The following ADRA1A variants were observed in gnomAD, a reference collection of about 807,000 sequenced individuals.
The protein encoded by ADRA1A is alpha-1A adrenergic receptor.
ADRA1A carries 31 observed loss-of-function variants against 29.6 expected under a neutral mutation model. The observed-to-expected ratio is 1.05, with a 90% CI of 0.79 to 1.41. The LOEUF (loss-of-function observed/expected upper bound fraction) is 1.41, where lower values mean the gene tolerates loss of function less well. Ranked by LOEUF, ADRA1A falls within the 40% of genes most tolerant of loss-of-function variation. The probability of loss-of-function intolerance (pLI) is 0.00; values close to 1 mark genes in which losing one functional copy is unlikely to be tolerated. For synonymous variants in ADRA1A, 311 were observed against 254.3 expected (o/e 1.22, Z -2.12); for missense variants, 619 against 601.1 (o/e 1.03, Z -0.31).
intron 2 of ADRA1A, among the ~76,000 whole-genome samples, chr8:26,758,140 T>A (rs1245644827): frequency 1.3e-5 from 2 of 152,076 alleles, no homozygotes; most frequent in Non-Finnish European, 2.9e-5. Context: ...AATAGTGTGG[T>A]GTGGGGAATA....
Position 26,866,382 on chromosome 8 carries a change from G to A in ADRA1A, c.-687+554C>T, listed in dbSNP as rs1217087226. Among the ~76,000 whole-genome samples the A allele has an allele frequency of 5.3e-5, 8 of 152,170 alleles. No individual in the cohort carries two copies. Among genetic ancestry groups the A allele is most frequent in the Admixed American group, 5.2e-4 (8 of 15,288 alleles). On this transcript the variant is annotated intron_variant, in intron 1 of 2. Coordinates refer to ENST00000380573, the MANE Select transcript of ADRA1A (RefSeq NM_000680.4). This position sits in a 1 kb window ranked among gnomAD's most constrained non-coding sequence, Gnocchi z 5.7. ...AGCGGGACTGGCGGGGGACGGGGTG[G>A]GGAGGACGTCCCTCTGCAGAGGGAG...
In ADRA1A at chr8:26,864,464, G is replaced by A. The variant is rs772136338; in HGVS notation, c.506C>T (p.Ala169Val). The part of the protein sequence containing the change: ...IGPLFGWRQP[A>V]PEDETICQIN... ...CTGGCAGATGGTCTCGTCCTCGGGG[G>A]CCGGCTGCCTCCAGCCGAACAGGGG... is the stretch of plus-strand genomic sequence containing the variant. The change falls in exon 2 of 3, where the codon GCC becomes GTC. Residue 169 changes from alanine to valine, a missense_variant. Coordinates refer to ENST00000380573, the MANE Select transcript of ADRA1A (RefSeq NM_000680.4). This position sits in a 1 kb window ranked among gnomAD's most constrained non-coding sequence, Gnocchi z 8.1. 1.2e-6 allele frequency: 2 copies of A among 1,613,448 alleles called. No homozygotes were observed. Among genetic ancestry groups the A allele is most frequent in the East Asian group, 2.2e-5 (1 of 44,856 alleles).
rs1256752761 is a variant in ADRA1A at position 26,768,836 on chromosome 8, A to G, written c.*1313T>C. Reference sequence around the variant, plus strand: ...TACTGAGTTATTATGGTTTACCAAAATTTGGTATACATAAAGCAAAATATA... The same window carrying G: ...TACTGAGTTATTATGGTTTACCAAAGTTTGGTATACATAAAGCAAAATATA... On this transcript the variant is annotated 3_prime_UTR_variant, in exon 3 of 3. Transcript: ENST00000380573. 3 of 948,064 alleles carry G rather than the reference A, an allele frequency of 3.2e-6. No individual in the cohort carries two copies. In the Admixed American group the frequency reaches 1.8e-4, roughly 58 times the overall value. The allele number at this position is 948,064 out of a possible 1,614,324, so 58.7% of individuals were successfully genotyped here.
At position 26,841,325 on chromosome 8, in the gene ADRA1A, T is replaced by A. The variant is rs528708745; in HGVS notation, c.883+22762A>T. Among the ~76,000 whole-genome samples the A allele has an allele frequency of 2.0e-5, 3 of 152,280 alleles. No homozygotes were observed. The highest frequency in any genetic ancestry group is 4.4e-5 in the Non-Finnish European group (3 of 68,014). Reference sequence around the variant, plus strand: ...AGAGGACCACAGTCTCAAGGCCACCTACAGTTTCCTTTACCACCCACTGTC... The same window carrying A: ...AGAGGACCACAGTCTCAAGGCCACCAACAGTTTCCTTTACCACCCACTGTC... On this transcript the variant is annotated intron_variant, in intron 2 of 2. Transcript: ENST00000380573. The surrounding 1 kb of genome is among the most constrained non-coding windows in gnomAD (Gnocchi z 4.4).
chr8:26,803,919 CT>C (rs34314160), intron 2 of ADRA1A, among the ~76,000 whole-genome samples: 1,119 of 95,212 alleles, frequency 0.012, 4 homozygotes, highest in African/African-American at 0.037. Flanking sequence ...TGGAAGTTTC[CT>C]TTTTTTTTTT....
In ADRA1A at chr8:26,779,564, T is replaced by C. The variant is rs1010237808; in HGVS notation, c.884-8898A>G. 3.7e-5 allele frequency: 21 copies of C among 573,542 alleles called. No homozygotes were observed. In the African/African-American group the frequency reaches 4.0e-4, roughly 11 times the overall value. The allele number at this position is 573,542 out of a possible 1,614,324, so 35.5% of individuals were successfully genotyped here. A position where few individuals can be genotyped will look rare whatever the true frequency, so the allele number is the denominator to read the frequency against. Reference sequence around the variant, plus strand: ...CAAGCAGGATGATGAAGGAACGTGGTGGAGAGATGGCCAGAAGGGAAGAGG... The same window carrying C: ...CAAGCAGGATGATGAAGGAACGTGGCGGAGAGATGGCCAGAAGGGAAGAGG... On this transcript the variant is annotated intron_variant, in intron 2 of 2. Coordinates refer to ENST00000380573, the MANE Select transcript of ADRA1A (RefSeq NM_000680.4).
chr8:26,859,391 G>A (rs939949213), intron 2 of ADRA1A, among the ~76,000 whole-genome samples: 2 of 152,030 alleles, frequency 1.3e-5, no homozygotes, highest in South Asian at 4.2e-4. Flanking sequence ...GTGACCTCTC[G>A]GCACAATGAA....
downstream of ADRA1A, among the ~76,000 whole-genome samples, chr8:26,753,629 C>A (rs866822594): frequency 6.6e-6 from 1 of 152,090 alleles, no homozygotes; most frequent in Admixed American, 6.6e-5. Flanking sequence ...TACTTACAAA[C>A]GGATAAATGA....
chr8:26,769,901 G>A lies in ADRA1A; in HGVS notation c.*248C>T, dbSNP rs936538158. ...GTTTTCGTTGAAGTGGGCACAGAGT[G>A]ACCAAGAAAGCATTAGCTGCAGGGA... On this transcript the variant is annotated 3_prime_UTR_variant, in exon 3 of 3. Transcript: ENST00000380573. The A allele has an allele frequency of 2.6e-5, 32 of 1,246,758 alleles. No homozygotes were observed. The highest frequency in any genetic ancestry group is 3.0e-5 in the Non-Finnish European group (30 of 996,214). The allele number at this position is 1,246,758 out of a possible 1,614,324, so 77.2% of individuals were successfully genotyped here.
At chr8:26,854,844 T>G (rs913329846) in intron 2 of ADRA1A, among the ~76,000 whole-genome samples, 1 of 152,150 alleles carries the variant, frequency 6.6e-6, no homozygotes, top group Admixed American at 6.5e-5. Context: ...AATTCCTATG[T>G]TGGAATCCTG....
intron 2 of ADRA1A, chr8:26,772,282 C>G (rs1183024154): frequency 6.6e-6 from 1 of 152,182 alleles, no homozygotes; most frequent in Non-Finnish European, 1.5e-5. Flanking sequence ...TCTTTATTCT[C>G]TGATTCTCAG....
chr8:26,756,420 A>T (rs1033625657), exon 3 of ADRA1A: 2 of 1,362,472 alleles, frequency 1.5e-6, no homozygotes, highest in African/African-American at 2.9e-5. Context: ...GTGGCTGATG[A>T]TTCTCAATTA....
At position 26,821,341 on chromosome 8, in the gene ADRA1A, G is replaced by A. The variant is rs1810157461; in HGVS notation, c.883+42746C>T. ...AGGGCCTCAGGAAGCATACAGTCAT[G>A]GTGGAAGGCTAAGGGAGAGCAGGAA... On this transcript the variant is annotated intron_variant, in intron 2 of 2. Coordinates refer to ENST00000380573, the MANE Select transcript of ADRA1A (RefSeq NM_000680.4). The surrounding 1 kb of genome is among the most constrained non-coding windows in gnomAD (Gnocchi z 5.6). Among the ~76,000 whole-genome samples, 1 of 152,180 alleles carries A rather than the reference G, an allele frequency of 6.6e-6. No homozygotes were observed. The highest frequency in any genetic ancestry group is 1.5e-5 in the Non-Finnish European group (1 of 68,032).
At chr8:26,778,557 A>G (rs989023923) in intron 2 of ADRA1A, among the ~76,000 whole-genome samples, 4 of 152,172 alleles carry the variant, frequency 2.6e-5, no homozygotes, top group African/African-American at 4.8e-5. Flanking sequence ...ATGTCCAACA[A>G]TGATAGACTG....
At chr8:26,749,390 A>C (rs577502379) in intron 2 of ADRA1A, among the ~76,000 whole-genome samples, 1 of 152,372 alleles carries the variant, frequency 6.6e-6, no homozygotes, top group African/African-American at 2.4e-5. Context: ...ACATATTTGC[A>C]TGTTCATAGA....
At chr8:26,816,543 G>GTGTGTA (rs1192210575) in intron 2 of ADRA1A, among the ~76,000 whole-genome samples, 2 of 149,162 alleles carry the variant, frequency 1.3e-5, no homozygotes, top group African/African-American at 5.0e-5. Context: ...ATGTGTGTGT[G>GTGTGTA]TGTGTGTGTG....
At chr8:26,832,505 G>T (rs1811055459) in intron 2 of ADRA1A, among the ~76,000 whole-genome samples, 3 of 152,116 alleles carry the variant, frequency 2.0e-5, no homozygotes, top group Admixed American at 2.0e-4. Flanking sequence ...GAAAACACTG[G>T]CAGACACAAA....
In ADRA1A at chr8:26,841,489, A is replaced by G. The variant is rs1811813632; in HGVS notation, c.883+22598T>C. ...TGCAGATTCCCCTCCTTCTGTACTC[A>G]TTTTTCTTTTCTTGGAAAAAAACAA... On this transcript the variant is annotated intron_variant, in intron 2 of 2. Coordinates refer to ENST00000380573, the MANE Select transcript of ADRA1A (RefSeq NM_000680.4). The surrounding 1 kb of genome is among the most constrained non-coding windows in gnomAD (Gnocchi z 4.4). Among the ~76,000 whole-genome samples the G allele has an allele frequency of 6.6e-6, 1 of 151,898 alleles. No homozygotes were observed. The highest frequency in any genetic ancestry group is 1.5e-5 in the Non-Finnish European group (1 of 67,978).
chr8:26,854,320 G>A (rs1166250830), intron 2 of ADRA1A: 1 of 151,486 alleles, frequency 6.6e-6, no homozygotes, highest in Non-Finnish European at 1.5e-5. Context: ...TTGAACCCAG[G>A]GTTCTAGGCT....
Sources: allele counts gnomAD v4.1 joint callset (sites outside exome capture counted in the v4.1 genomes callset), GRCh38; gene constraint gnomAD v4.1.1; non-coding constraint Gnocchi (gnomAD v3.1); transcripts MANE v1.5; gene names NCBI Gene and HGNC (gene_info 2026-07-23, HGNC 2026-07-21).